Variants in TRAPPC6A observed in about 807,000 individuals in gnomAD.
The protein encoded by TRAPPC6A is trafficking protein particle complex subunit 6A, also known as TRAPP complex subunit 6A.
TRAPPC6A carries 25 observed loss-of-function variants against 20.8 expected under a neutral mutation model. The ratio of observed to expected loss-of-function variants is 1.20; its 90% CI spans 0.88 to 1.68. The LOEUF (loss-of-function observed/expected upper bound fraction) is 1.68. TRAPPC6A is among the 40% of genes most tolerant of loss of function. The pLI is 0.00. For synonymous variants in TRAPPC6A, 96 were observed against 93.3 expected, an observed-to-expected ratio of 1.03 and a Z score of -0.16; for missense variants, 215 against 211.6, an observed-to-expected ratio of 1.02 and a Z score of -0.10.
chr19:45,164,334 T>G (rs996801232), intron 3 of TRAPPC6A, 87 bp from the exon 4 acceptor site: 1 of 899,530 alleles, frequency 1.1e-6, no homozygotes, highest in Non-Finnish European at 1.7e-6. Context: ...GGTCTTAGAT[T>G]GGGCTGAGGT....
At chr19:45,175,982 G>T (rs1969364149) in intron 1 of TRAPPC6A, among the ~76,000 whole-genome samples, 1 of 152,076 alleles carries the variant, frequency 6.6e-6, no homozygotes, top group Non-Finnish European at 1.5e-5. Flanking sequence ...ATTTTTGATG[G>T]TTCACTGAGT....
intron 3 of TRAPPC6A, 70 bp downstream of exon 3, chr19:45,164,783 G>C (rs1468478679): frequency 6.9e-7 from 1 of 1,443,588 alleles, no homozygotes; most frequent in Non-Finnish European, 9.7e-7. Flanking sequence ...TGGCGCCGGG[G>C]GATTCCCCTC....
chr19:45,164,741 A>G, intron 3 of TRAPPC6A, 112 bp downstream of exon 3: 1 of 965,510 alleles, frequency 1.0e-6, no homozygotes, highest in Non-Finnish European at 1.7e-6. Flanking sequence ...GCCTGTGGGA[A>G]AGCTCTGGGC....
At chr19:45,170,725 T>TGGTGGTGTGACTGGCA in intron 1 of TRAPPC6A, among the ~76,000 whole-genome samples, 1 of 152,232 alleles carries the variant, frequency 6.6e-6, no homozygotes, top group African/African-American at 2.4e-5. Flanking sequence ...CTGCTCACAG[T>TGGTGGTGTGACTGGCA]GGTGGTGTGA....
intron 1 of TRAPPC6A, among the ~76,000 whole-genome samples, chr19:45,170,215 G>A (rs1969240946): frequency 6.6e-6 from 1 of 152,230 alleles, no homozygotes; most frequent in African/African-American, 2.4e-5. Context: ...GTCAACGCAG[G>A]CCACGTTGCC....
intron 1 of TRAPPC6A, among the ~76,000 whole-genome samples, chr19:45,174,549 G>A (rs977451121): frequency 2.0e-5 from 3 of 152,166 alleles, no homozygotes; most frequent in Non-Finnish European, 4.4e-5. Flanking sequence ...CTGGCAGGGC[G>A]TGCTGGCTCA....
intron 1 of TRAPPC6A, among the ~76,000 whole-genome samples, chr19:45,176,643 T>A (rs61317469): frequency 0.012 from 1,755 of 152,216 alleles, 35 homozygotes; most frequent in African/African-American, 0.041. Context: ...TTATGATGTT[T>A]TAAACTTATG....
chr19:45,164,812 C>T (rs1182735800), intron 3 of TRAPPC6A, 41 bp downstream of exon 3: 2 of 1,581,618 alleles, frequency 1.3e-6, no homozygotes, highest in South Asian at 1.1e-5. Flanking sequence ...TTGGTCTTGC[C>T]CTCAGGAGGA....
chr19:45,163,270 C>T lies in TRAPPC6A; in HGVS notation c.449-47G>A. On this transcript the variant is annotated intron_variant, in intron 5 of 5. Coordinates refer to ENST00000585934, the MANE Select transcript of TRAPPC6A (RefSeq NM_001270891.2). This position sits in a 1 kb window ranked among gnomAD's most constrained non-coding sequence, Gnocchi z 5.3. ...AGGCTTGAGGATGGGATGGGGGAGG[C>T]AGAGGGCACCTGGACGGCTCTTAGG... The T allele has an allele frequency of 6.2e-7, 1 of 1,607,976 alleles. No individual in the cohort carries two copies. The highest frequency in any genetic ancestry group is 1.1e-5 in the South Asian group (1 of 90,768).
At position 45,172,574 on chromosome 19, in the gene TRAPPC6A, G is replaced by C. The variant is rs1241452402; in HGVS notation, c.84+5561C>G. Reference sequence around the variant, plus strand: ...AGACAGAAGTGCTGGCACACAGATGGGTGAGTGAGGGGTGGGTGCGAGAAG... The same window carrying C: ...AGACAGAAGTGCTGGCACACAGATGCGTGAGTGAGGGGTGGGTGCGAGAAG... On this transcript the variant is annotated intron_variant, in intron 1 of 5. Coordinates refer to ENST00000585934, the MANE Select transcript of TRAPPC6A (RefSeq NM_001270891.2). This position sits in a 1 kb window ranked among gnomAD's most constrained non-coding sequence, Gnocchi z 4.2. Among the ~76,000 whole-genome samples the C allele has an allele frequency of 2.0e-5, 3 of 151,750 alleles. No individual in the cohort carries two copies. The highest frequency in any genetic ancestry group is 2.1e-4 in the South Asian group (1 of 4,832).
intron 1 of TRAPPC6A, among the ~76,000 whole-genome samples, chr19:45,174,728 C>T (rs2122857109): frequency 6.6e-6 from 1 of 152,148 alleles, no homozygotes; most frequent in South Asian, 2.1e-4. Context: ...ACTCAGGAGG[C>T]TGAGGTGGGA....
At chr19:45,177,523 G>T (rs1447858604) in intron 1 of TRAPPC6A, among the ~76,000 whole-genome samples, 6 of 151,974 alleles carry the variant, frequency 3.9e-5, no homozygotes, top group Admixed American at 2.0e-4. Flanking sequence ...GTAGACACGG[G>T]GTTTCACCAT....
intron 1 of TRAPPC6A, among the ~76,000 whole-genome samples, chr19:45,168,569 C>G (rs1969208433): frequency 2.6e-5 from 4 of 152,226 alleles, no homozygotes; most frequent in African/African-American, 9.6e-5. Flanking sequence ...TGCACCAGCA[C>G]AGGGAGAACC....
chr19:45,175,842 AC>A, intron 1 of TRAPPC6A, among the ~76,000 whole-genome samples: 1 of 151,824 alleles, frequency 6.6e-6, no homozygotes, highest in South Asian at 2.1e-4. Flanking sequence ...ATTATTACCC[AC>A]CCCCAGGCTG....
Position 45,178,138 on chromosome 19 carries a change from C to T in TRAPPC6A, c.81G>A (p.Pro27=), listed in dbSNP as rs1269524277. The T allele has an allele frequency of 6.2e-7, 1 of 1,613,200 alleles. No homozygotes were observed. The highest frequency in any genetic ancestry group is 2.2e-5 in the East Asian group (1 of 44,828). The part of the protein sequence containing the change: ...ELWAHDPDPG[P]GGQKMSLSVL... ...CCCCACGGAGCCCGGCGCTCACCCCCGGGCCGGGGTCGGGGTCGTGAGCCC... is the reference window on the plus strand; with the variant it reads ...CCCCACGGAGCCCGGCGCTCACCCCTGGGCCGGGGTCGGGGTCGTGAGCCC... The change falls in exon 1 of 6, where the codon CCG becomes CCA. Residue 27 remains proline, a synonymous_variant. Coordinates refer to ENST00000585934, the MANE Select transcript of TRAPPC6A (RefSeq NM_001270891.2).
At chr19:45,165,335 A>C in intron 1 of TRAPPC6A, 141 bp from the exon 2 acceptor site, 1 of 812,996 alleles carries the variant, frequency 1.2e-6, no homozygotes, top group South Asian at 1.6e-5. Flanking sequence ...GGGCTCTGGC[A>C]CAGCCCGGCC....
At chr19:45,165,084 C>A in intron 2 of TRAPPC6A, 43 bp downstream of exon 2, 2 of 1,611,980 alleles carry the variant, frequency 1.2e-6, no homozygotes, top group Non-Finnish European at 8.5e-7. Context: ...CCTGCCCAGC[C>A]CTGCCAGCCA....
chr19:45,171,400 C>A (rs1423202061), intron 1 of TRAPPC6A, among the ~76,000 whole-genome samples: 1 of 152,158 alleles, frequency 6.6e-6, no homozygotes, highest in African/African-American at 2.4e-5. Context: ...AGCCCAGAGC[C>A]GGTGCATTTC....
intron 1 of TRAPPC6A, among the ~76,000 whole-genome samples, chr19:45,167,766 G>C (rs1289255939): frequency 6.6e-6 from 1 of 151,716 alleles, no homozygotes; most frequent in Admixed American, 6.6e-5. Context: ...TACAGGCGTG[G>C]GCCATCGCGC....
Sources: gnomAD v4.1 joint callset for allele counts (sites outside exome capture counted in the v4.1 genomes callset) on GRCh38, gnomAD v4.1.1 for gene constraint, Gnocchi (gnomAD v3.1) non-coding constraint, MANE v1.5 for transcripts, NCBI Gene and HGNC (gene_info 2026-07-23, HGNC 2026-07-21) for gene names.